The following RBFOX1 variants were observed in gnomAD, a reference collection of about 807,000 sequenced individuals.
RBFOX1 encodes RNA binding protein fox-1 homolog 1.
In RBFOX1, 8 loss-of-function variants were observed where a neutral mutation model predicts 57.7. The observed-to-expected ratio is 0.14, with a 90% confidence interval of 0.08 to 0.25. The LOEUF (loss-of-function observed/expected upper bound fraction) is 0.25. RBFOX1 is among the 10% of genes least tolerant of loss of function. The probability of loss-of-function intolerance (pLI) is 1.00; values close to 1 mark genes in which losing one functional copy is unlikely to be tolerated. For synonymous variants in RBFOX1, 326 were observed against 222.4 expected, an observed-to-expected ratio of 1.47 and a Z score of -4.15; for missense variants, 611 against 548.5, an observed-to-expected ratio of 1.11 and a Z score of -1.14.
chr16:7,116,646 C>A (rs969948072), intron 4 of RBFOX1, among the ~76,000 whole-genome samples: 1 of 152,222 alleles, frequency 6.6e-6, no homozygotes, highest in South Asian at 2.1e-4. Context: ...TTAGAAAATG[C>A]AATTCATGTG....
At chr16:5,643,526 C>G (rs1310479482) in intron 3 of RBFOX1, among the ~76,000 whole-genome samples, 1 of 152,140 alleles carries the variant, frequency 6.6e-6, no homozygotes, top group Non-Finnish European at 1.5e-5. Context: ...TAGGAAAATC[C>G]AGATGTGTAC....
At chr16:5,786,499 C>T (rs9927324) in intron 3 of RBFOX1, among the ~76,000 whole-genome samples, 14 of 151,964 alleles carry the variant, frequency 9.2e-5, no homozygotes, top group African/African-American at 3.1e-4. Context: ...GGAGATGTGC[C>T]GTGTGTCAGG....
intron 3 of RBFOX1, among the ~76,000 whole-genome samples, chr16:6,753,722 G>C (rs1001639511): frequency 2.5e-5 from 3 of 120,052 alleles, no homozygotes; most frequent in South Asian, 2.9e-4. Flanking sequence ...TCTTGTGTCA[G>C]AGTTAGCGGA....
chr16:6,222,154 G>T (rs926854592), intron 1 of RBFOX1, among the ~76,000 whole-genome samples: 2 of 152,054 alleles, frequency 1.3e-5, no homozygotes, highest in Non-Finnish European at 2.9e-5. Flanking sequence ...GTAGTCCAAT[G>T]GAAATGAATG....
chr16:6,894,079 T>C (rs1252651533), intron 3 of RBFOX1, among the ~76,000 whole-genome samples: 1 of 151,988 alleles, frequency 6.6e-6, no homozygotes, highest in African/African-American at 2.4e-5. Flanking sequence ...AGATAGATAC[T>C]GGATCGATTG....
chr16:6,864,366 G>T (rs1213895929), intron 3 of RBFOX1, among the ~76,000 whole-genome samples: 1 of 152,040 alleles, frequency 6.6e-6, no homozygotes, highest in Admixed American at 6.6e-5. Context: ...ATTTCAGACT[G>T]CAATAAAGGA....
intron 3 of RBFOX1, among the ~76,000 whole-genome samples, chr16:6,896,215 G>A (rs1249072509): frequency 6.6e-6 from 1 of 152,170 alleles, no homozygotes; most frequent in Admixed American, 6.6e-5. Context: ...GAAGGTTGTA[G>A]TGAGCAGAGA....
intron 1 of RBFOX1, among the ~76,000 whole-genome samples, chr16:5,424,321 C>T (rs1437873719): frequency 2.0e-5 from 3 of 152,154 alleles, no homozygotes; most frequent in Non-Finnish European, 4.4e-5. Context: ...ATTCAGAGTT[C>T]ATTGACAGGC....
chr16:5,819,361 G>A (rs1422304846), intron 3 of RBFOX1, among the ~76,000 whole-genome samples: 1 of 152,100 alleles, frequency 6.6e-6, no homozygotes, highest in African/African-American at 2.4e-5. Flanking sequence ...CCTCTTTTAG[G>A]GGACACAATT....
intron 1 of RBFOX1, among the ~76,000 whole-genome samples, chr16:5,419,932 C>T (rs1024435875): frequency 6.6e-6 from 1 of 152,010 alleles, no homozygotes; most frequent in African/African-American, 2.4e-5. Context: ...GAAAAGCAGC[C>T]CATGTGAGCT....
chr16:5,958,578 A>T (rs908457146), intron 4 of RBFOX1, among the ~76,000 whole-genome samples: 1 of 152,222 alleles, frequency 6.6e-6, no homozygotes, highest in African/African-American at 2.4e-5. Context: ...GATTTAAATG[A>T]GATAATACAG....
chr16:6,383,171 C>G (rs574250108), intron 2 of RBFOX1, among the ~76,000 whole-genome samples: 2 of 152,330 alleles, frequency 1.3e-5, no homozygotes, highest in East Asian at 3.9e-4. Context: ...GTAAATCTTC[C>G]AAGAAGATCT....
intron 1 of RBFOX1, among the ~76,000 whole-genome samples, chr16:5,314,586 G>T (rs1476406859): frequency 6.6e-6 from 1 of 152,152 alleles, no homozygotes; most frequent in Non-Finnish European, 1.5e-5. Flanking sequence ...CTGCGGCCTT[G>T]ATCTCCTGGG....
At chr16:6,156,991 T>C (rs1253844810) in intron 1 of RBFOX1, among the ~76,000 whole-genome samples, 5 of 151,886 alleles carry the variant, frequency 3.3e-5, no homozygotes, top group African/African-American at 1.2e-4. Context: ...AGGTGGGCAG[T>C]GACTAATTGT....
intron 3 of RBFOX1, among the ~76,000 whole-genome samples, chr16:5,806,868 A>G (rs1195432200): frequency 2.0e-5 from 3 of 152,152 alleles, no homozygotes; most frequent in Non-Finnish European, 4.4e-5. Context: ...TGGCCCACTG[A>G]TGTTCCCAAA....
intron 4 of RBFOX1, among the ~76,000 whole-genome samples, chr16:7,061,771 A>G (rs887239400): frequency 2.0e-5 from 3 of 152,098 alleles, no homozygotes; most frequent in Non-Finnish European, 2.9e-5. Context: ...TGTCATAGCT[A>G]CTCTTCATTT....
chr16:7,345,591 C>T (rs1300334731), intron 4 of RBFOX1, among the ~76,000 whole-genome samples: 1 of 152,106 alleles, frequency 6.6e-6, no homozygotes, highest in Non-Finnish European at 1.5e-5. Context: ...TGTGTTCACC[C>T]ATCATACAGA....
chr16:6,081,887 T>G (rs2096006995), intron 1 of RBFOX1, among the ~76,000 whole-genome samples: 1 of 152,168 alleles, frequency 6.6e-6, no homozygotes, highest in South Asian at 2.1e-4. Flanking sequence ...TTAAGTCCAT[T>G]TGAACAAACA....
intron 4 of RBFOX1, among the ~76,000 whole-genome samples, chr16:7,215,934 A>G (rs533902511): frequency 2.4e-4 from 37 of 152,226 alleles, no homozygotes; most frequent in African/African-American, 7.2e-4. Context: ...CGTGTTAGCC[A>G]GGATGGTCTC....
Sources: gnomAD v4.1 joint callset for allele counts (sites outside exome capture counted in the v4.1 genomes callset) on GRCh38, gnomAD v4.1.1 for gene constraint, MANE v1.5 for transcripts, NCBI Gene and HGNC (gene_info 2026-07-23, HGNC 2026-07-21) for gene names.